Variants in DPYSL3 observed in about 807,000 individuals in gnomAD.
DPYSL3 encodes the protein dihydropyrimidinase-related protein 3.
DPYSL3 carries 16 observed loss-of-function variants against 66.1 expected under a neutral mutation model. That is an observed-to-expected ratio of 0.24 (90% CI 0.16 to 0.37). DPYSL3 has a LOEUF of 0.37. Ranked by LOEUF, DPYSL3 falls within the 10% of genes least tolerant of loss-of-function variation. The pLI is 1.00. For missense variants in DPYSL3, 738 were observed against 916.2 expected (o/e 0.81, Z 2.51); for synonymous variants, 338 against 345.1 (o/e 0.98, Z 0.23).
chr5:147,491,722 T>C (rs1359668040), intron 1 of DPYSL3, among the ~76,000 whole-genome samples: 2 of 145,590 alleles, frequency 1.4e-5, no homozygotes, highest in East Asian at 4.0e-4. Context: ...GATACGACAA[T>C]AGAAACTGCC....
At chr5:147,488,244 G>T (rs1449637309) in intron 1 of DPYSL3, among the ~76,000 whole-genome samples, 1 of 152,160 alleles carries the variant, frequency 6.6e-6, no homozygotes, top group Non-Finnish European at 1.5e-5. Context: ...AAGCTAGGAG[G>T]CTCTAGAAAG....
At chr5:147,405,172 T>A (rs114375626) in intron 8 of DPYSL3, among the ~76,000 whole-genome samples, 2,763 of 152,282 alleles carry the variant, frequency 0.018, 86 homozygotes, top group African/African-American at 0.064. Flanking sequence ...ATACCATTGT[T>A]GAGGCCCCTC....
At chr5:147,497,176 C>T (rs1753530948) in intron 1 of DPYSL3, among the ~76,000 whole-genome samples, 2 of 147,436 alleles carry the variant, frequency 1.4e-5, no homozygotes, top group South Asian at 4.2e-4. Flanking sequence ...TGCATGTTCT[C>T]ACTCATAGGT....
At chr5:147,406,004 T>C (rs1466073630) in intron 7 of DPYSL3, 2 of 270,814 alleles carry the variant, frequency 7.4e-6, no homozygotes, top group Non-Finnish European at 1.4e-5. Flanking sequence ...GTAAGTACTT[T>C]TTCCTTAGCC....
chr5:147,428,220 G>A (rs1219038418), intron 1 of DPYSL3, among the ~76,000 whole-genome samples: 1 of 152,184 alleles, frequency 6.6e-6, no homozygotes, highest in African/African-American at 2.4e-5. Context: ...AGGTTTCAGA[G>A]AAGAGATTAA....
At chr5:147,451,630 G>A (rs182795011) in intron 1 of DPYSL3, among the ~76,000 whole-genome samples, 1 of 152,134 alleles carries the variant, frequency 6.6e-6, no homozygotes, top group African/African-American at 2.4e-5. Context: ...TGCAGTCTAG[G>A]AGGGAAAAAA....
intron 1 of DPYSL3, among the ~76,000 whole-genome samples, chr5:147,471,731 A>G (rs1263603457): frequency 2.0e-5 from 3 of 152,328 alleles, no homozygotes; most frequent in South Asian, 4.1e-4. Context: ...ATAAGGGTAC[A>G]TAGAAACTCA....
rs918367287 is a variant in DPYSL3 at position 147,415,839 on chromosome 5, C to T, written c.690G>A (p.Leu230=). 6.2e-7 allele frequency: 1 copy of T among 1,614,078 alleles called. No individual in the cohort carries two copies. Among genetic ancestry groups the T allele is most frequent in the Non-Finnish European group, 8.5e-7 (1 of 1,179,990 alleles). Residue 230 remains leucine (L), a synonymous_variant, in exon 4 of 14, where the codon CTG becomes CTA. Transcript: ENST00000343218. ...CTCTCCATTTCTCATAGGCCTCAGT[C>T]AGGCTGGACTCAGGCTCAGGCACCA... ...DHVVPEPESS[L]TEAYEKWREW...
chr5:147,457,193 G>A (rs1405245433), intron 1 of DPYSL3, among the ~76,000 whole-genome samples: 3 of 151,964 alleles, frequency 2.0e-5, no homozygotes, highest in Admixed American at 1.3e-4. Context: ...TAATAATAAC[G>A]CATATCCTTA....
chr5:147,471,431 C>G (rs1467582093), intron 1 of DPYSL3, among the ~76,000 whole-genome samples: 1 of 152,136 alleles, frequency 6.6e-6, no homozygotes, highest in African/African-American at 2.4e-5. Flanking sequence ...ACATTAGTTT[C>G]CTCTCCACAT....
At chr5:147,457,746 G>T (rs1752874550) in intron 1 of DPYSL3, among the ~76,000 whole-genome samples, 1 of 152,224 alleles carries the variant, frequency 6.6e-6, no homozygotes, top group Non-Finnish European at 1.5e-5. Flanking sequence ...CAGGAGAGAA[G>T]TAGGTCAATG....
chr5:147,433,808 C>G (rs979242316), intron 1 of DPYSL3, among the ~76,000 whole-genome samples: 1 of 152,052 alleles, frequency 6.6e-6, no homozygotes, highest in Admixed American at 6.5e-5. Context: ...CCAAGGCGGG[C>G]GGATCACGAG....
At chr5:147,474,670 T>G (rs994492434) in intron 1 of DPYSL3, among the ~76,000 whole-genome samples, 1 of 152,102 alleles carries the variant, frequency 6.6e-6, no homozygotes, top group African/African-American at 2.4e-5. Context: ...CTGTACATAA[T>G]GCCTGCCACA....
intron 1 of DPYSL3, among the ~76,000 whole-genome samples, chr5:147,426,609 C>T (rs1176638710): frequency 1.3e-5 from 2 of 152,214 alleles, no homozygotes; most frequent in South Asian, 2.1e-4. Context: ...GCAGGGCCAA[C>T]CATGGTCATC....
chr5:147,491,522 C>T (rs778420297), intron 1 of DPYSL3, among the ~76,000 whole-genome samples: 22 of 151,872 alleles, frequency 1.4e-4, no homozygotes, highest in Admixed American at 7.9e-4. Context: ...GAATAACATG[C>T]TAAGGGCTTT....
chr5:147,461,366 A>T (rs1394996033), intron 1 of DPYSL3, among the ~76,000 whole-genome samples: 1 of 152,162 alleles, frequency 6.6e-6, no homozygotes, highest in African/African-American at 2.4e-5. Context: ...TTTGTGCCCT[A>T]TGTAAATCAG....
At chr5:147,468,309 T>G (rs1753039460) in intron 1 of DPYSL3, among the ~76,000 whole-genome samples, 1 of 152,220 alleles carries the variant, frequency 6.6e-6, no homozygotes, top group Non-Finnish European at 1.5e-5. Flanking sequence ...GGAAATCACT[T>G]GTAGAGCTAG....
intron 1 of DPYSL3, 95 bp from the exon 2 acceptor site, chr5:147,425,058 T>C (rs1264431482): frequency 2.3e-6 from 2 of 887,962 alleles, no homozygotes; most frequent in South Asian, 1.6e-5. Flanking sequence ...TCTAGATGTC[T>C]AGTAGAAACA....
At chr5:147,408,843 T>G in intron 6 of DPYSL3, 47 bp from the exon 7 acceptor site, 1 of 1,593,750 alleles carries the variant, frequency 6.3e-7, no homozygotes, top group East Asian at 2.2e-5. Flanking sequence ...CAAGTGAGAT[T>G]TGGAAAAATT....
Sources: gnomAD v4.1 joint callset for allele counts (sites outside exome capture counted in the v4.1 genomes callset) on GRCh38, gnomAD v4.1.1 for gene constraint, MANE v1.5 for transcripts, NCBI Gene and HGNC (gene_info 2026-07-23, HGNC 2026-07-21) for gene names.